ENOX2: variants seen among roughly 807,000 people sequenced by gnomAD.
ENOX2 encodes the protein ecto-NOX disulfide-thiol exchanger 2.
A neutral mutation model predicts 45.0 loss-of-function variants in ENOX2; 36 were observed. The observed-to-expected ratio is 0.80, with a 90% CI of 0.61 to 1.06. ENOX2 has a LOEUF of 1.06. Among genes scored for constraint, ENOX2 ranks in the 50% least tolerant of loss-of-function variants. The pLI is 0.00. For missense variants in ENOX2, 423 were observed against 462.5 expected, an observed-to-expected ratio of 0.91 and a Z score of 0.78; for synonymous variants, 174 against 152.3, an observed-to-expected ratio of 1.14 and a Z score of -1.05.
chrX:130,745,892 GA>G (rs2039087744), intron 3 of ENOX2, among the ~76,000 whole-genome samples: 1 of 111,886 alleles, frequency 8.9e-6, no homozygotes, highest in Non-Finnish European at 1.9e-5. Context: ...TTAAAGTTTA[GA>G]AAAAGTCCTG....
At position 130,836,091 on chromosome X, in the gene ENOX2, G is replaced by A. The variant is rs376510463; in HGVS notation, c.-182-52401C>T. 2.7e-5 allele frequency among the ~76,000 whole-genome samples: 3 copies of A among 112,355 alleles called. No homozygotes were observed. The East Asian group carries it at 8.4e-4, about 31-fold the overall frequency. ...GGACCTCCAGGTCGAGGCTAAGTTGGCAAGAACTAAATGGAGAGAAAACCA... is the reference window on the plus strand; with the variant it reads ...GGACCTCCAGGTCGAGGCTAAGTTGACAAGAACTAAATGGAGAGAAAACCA... On this transcript the variant is annotated intron_variant, in intron 2 of 14. Coordinates refer to ENST00000394363, the MANE Select transcript of ENOX2 (RefSeq NM_006375.4).
At chrX:130,868,542 A>G (rs181068548) in intron 2 of ENOX2, among the ~76,000 whole-genome samples, 1 of 111,846 alleles carries the variant, frequency 8.9e-6, no homozygotes, top group Non-Finnish European at 1.9e-5. Context: ...ACTTAGAATC[A>G]CTGGTCTACA....
intron 10 of ENOX2, among the ~76,000 whole-genome samples, chrX:130,645,322 T>G (rs2036199370): frequency 8.9e-6 from 1 of 111,917 alleles, no homozygotes; most frequent in Admixed American, 9.4e-5. Context: ...GGCTTTTATT[T>G]TGAGCCGTCT....
intron 2 of ENOX2, among the ~76,000 whole-genome samples, chrX:130,824,483 G>A (rs2077678510): frequency 8.9e-6 from 1 of 111,753 alleles, no homozygotes; most frequent in South Asian, 3.7e-4. Flanking sequence ...AATTTAATGA[G>A]AAGTATTCCA....
intron 2 of ENOX2, among the ~76,000 whole-genome samples, chrX:130,852,138 C>T (rs1360763210): frequency 8.9e-6 from 1 of 112,148 alleles, no homozygotes; most frequent in Non-Finnish European, 1.9e-5. Context: ...TCCTTTCACA[C>T]ATTTTGGCCT....
chrX:130,860,430 T>G (rs2078390438), intron 2 of ENOX2, among the ~76,000 whole-genome samples: 1 of 111,754 alleles, frequency 8.9e-6, no homozygotes, highest in Admixed American at 9.5e-5. Context: ...TTTTCTCACC[T>G]AACTGCTTGA....
At chrX:130,674,678 C>T (rs763077484) in intron 6 of ENOX2, among the ~76,000 whole-genome samples, 1,341 of 109,392 alleles carry the variant, frequency 0.012, 22 homozygotes, top group African/African-American at 0.042. Context: ...GCAGGTTAGT[C>T]ACATATGTAT....
intron 2 of ENOX2, among the ~76,000 whole-genome samples, chrX:130,891,129 T>A (rs1480882206): frequency 9.0e-6 from 1 of 111,283 alleles, no homozygotes. Flanking sequence ...TCACTTAACC[T>A]CAGGAGTTCA....
chrX:130,674,887 T>A (rs79449422), intron 6 of ENOX2, among the ~76,000 whole-genome samples: 6 of 88,496 alleles, frequency 6.8e-5, no homozygotes, highest in South Asian at 6.3e-4. Flanking sequence ...TTTGTCCTTG[T>A]GATAGTTTAC....
intron 2 of ENOX2, among the ~76,000 whole-genome samples, chrX:130,898,321 T>G (rs946928543): frequency 8.9e-6 from 1 of 112,393 alleles, no homozygotes; most frequent in Non-Finnish European, 1.9e-5. Context: ...AATAACTTTT[T>G]AAAAATTAAC....
intron 13 of ENOX2, among the ~76,000 whole-genome samples, chrX:130,628,865 A>C (rs1204878558): frequency 1.8e-5 from 2 of 110,211 alleles, no homozygotes; most frequent in Non-Finnish European, 3.8e-5. Context: ...GTGGAAAATA[A>C]ATTTTTCAAA....
chrX:130,622,621 A>G lies in ENOX2; in HGVS notation c.*2693T>C, dbSNP rs2035455977. Among the ~76,000 whole-genome samples, 1 of 111,871 alleles carries G rather than the reference A, an allele frequency of 8.9e-6. No homozygotes were observed. The highest frequency in any genetic ancestry group is 3.8e-4 in the South Asian group (1 of 2,666). On this transcript the variant is annotated 3_prime_UTR_variant, in exon 15 of 15. Coordinates refer to ENST00000394363, the MANE Select transcript of ENOX2 (RefSeq NM_006375.4). ...ACTACTGTATCTCATAAACATAACA[A>G]AACAGCAATATTTCAAAATTCTGGA... is the stretch of plus-strand genomic sequence containing the variant.
At chrX:130,677,616 T>C (rs1019940446) in intron 6 of ENOX2, among the ~76,000 whole-genome samples, 10 of 111,046 alleles carry the variant, frequency 9.0e-5, no homozygotes, top group Admixed American at 2.9e-4. Flanking sequence ...GATTAATCCA[T>C]TCACAGATTA....
intron 2 of ENOX2, among the ~76,000 whole-genome samples, chrX:130,883,353 C>T (rs1307820910): frequency 9.0e-6 from 1 of 111,246 alleles, no homozygotes; most frequent in Non-Finnish European, 1.9e-5. Context: ...TCAAGTGATC[C>T]ACCCCCCTCG....
At chrX:130,671,101 C>T (rs2036978093) in intron 6 of ENOX2, among the ~76,000 whole-genome samples, 2 of 111,243 alleles carry the variant, frequency 1.8e-5, no homozygotes, top group Non-Finnish European at 3.8e-5. Flanking sequence ...AGACAATTAG[C>T]AAACAGTAGA....
intron 12 of ENOX2, 133 bp downstream of exon 12, chrX:130,634,851 G>T: frequency 2.3e-6 from 1 of 432,267 alleles, no homozygotes; most frequent in Non-Finnish European, 4.0e-6. Flanking sequence ...CCCCCGAGAG[G>T]GGCTTTTAAT....
intron 10 of ENOX2, among the ~76,000 whole-genome samples, chrX:130,652,224 A>C (rs1469354953): frequency 8.9e-6 from 1 of 111,877 alleles, no homozygotes; most frequent in African/African-American, 3.2e-5. Flanking sequence ...TTACTTCTAT[A>C]AAAACTTTTC....
At chrX:130,693,650 G>A (rs2037675889) in intron 4 of ENOX2, among the ~76,000 whole-genome samples, 1 of 112,147 alleles carries the variant, frequency 8.9e-6, no homozygotes, top group Non-Finnish European at 1.9e-5. Context: ...GCAACAAAAT[G>A]TTTACATACA....
intron 6 of ENOX2, among the ~76,000 whole-genome samples, chrX:130,670,830 A>G (rs1407773260): frequency 1.8e-5 from 2 of 110,124 alleles, no homozygotes; most frequent in East Asian, 2.8e-4. Context: ...GTAGTATAGG[A>G]CTGGGATTCA....
Sources: gnomAD v4.1 joint callset for allele counts (sites outside exome capture counted in the v4.1 genomes callset) on GRCh38, gnomAD v4.1.1 for gene constraint, MANE v1.5 for transcripts, NCBI Gene and HGNC (gene_info 2026-07-23, HGNC 2026-07-21) for gene names.